Variants in RUFY1 observed in about 807,000 individuals in gnomAD.
RUFY1 encodes the protein RUN and FYVE domain containing 1, also known as RUN and FYVE domain-containing protein 1.
In RUFY1, 54 loss-of-function variants were observed where a neutral mutation model predicts 94.6. The observed-to-expected ratio is 0.57, with a 90% CI of 0.46 to 0.72. The LOEUF is 0.72. RUFY1 is among the 30% of genes least tolerant of loss of function. The pLI is 0.00. For synonymous variants in RUFY1, 396 were observed against 347.3 expected, an observed-to-expected ratio of 1.14 and a Z score of -1.56; for missense variants, 883 against 883.9, an observed-to-expected ratio of 1.00 and a Z score of 0.01.
At chr5:179,561,797 C>T (rs1402301553) in intron 2 of RUFY1, among the ~76,000 whole-genome samples, 1 of 148,218 alleles carries the variant, frequency 6.7e-6, no homozygotes, top group African/African-American at 2.5e-5. Flanking sequence ...ATTCTCCTGC[C>T]TCAGCCTCCC....
chr5:179,590,086 G>C (rs983766255), intron 9 of RUFY1, among the ~76,000 whole-genome samples: 3 of 152,138 alleles, frequency 2.0e-5, no homozygotes, highest in African/African-American at 7.2e-5. Context: ...GGGCACAGTG[G>C]CTCACACCTG....
intron 13 of RUFY1, chr5:179,598,214 AT>A (rs2127564298): frequency 6.4e-6 from 1 of 156,266 alleles, no homozygotes; most frequent in South Asian, 1.9e-4. Context: ...AGCAGAATGA[AT>A]TGGCCAGTGA....
intron 1 of RUFY1, among the ~76,000 whole-genome samples, chr5:179,553,654 G>T (rs1298491904): frequency 1.3e-5 from 2 of 152,074 alleles, no homozygotes; most frequent in Non-Finnish European, 2.9e-5. Flanking sequence ...GCCGGGCTTG[G>T]TGGTACGCAC....
In RUFY1 at chr5:179,594,974, C is replaced by T; in HGVS notation, c.1511+11C>T. ...ACAAATGGAAGAAAGGTAATCACTT[C>T]CCCCTGGCAGATATTCTCGGGAAGG... On this transcript the variant is annotated intron_variant, in intron 12 of 17. Transcript: ENST00000319449. The T allele has an allele frequency of 6.4e-7, 1 of 1,569,972 alleles. No homozygotes were observed. The highest frequency in any genetic ancestry group is 8.8e-7 in the Non-Finnish European group (1 of 1,140,914).
chr5:179,608,035 T>C (rs1425027812), intron 17 of RUFY1, among the ~76,000 whole-genome samples: 1 of 152,182 alleles, frequency 6.6e-6, no homozygotes, highest in Non-Finnish European at 1.5e-5. Flanking sequence ...ATGGGGAACC[T>C]ACAGGGCAGC....
chr5:179,577,701 G>T (rs1235975393), intron 6 of RUFY1, among the ~76,000 whole-genome samples: 1 of 151,246 alleles, frequency 6.6e-6, no homozygotes, highest in East Asian at 1.9e-4. Flanking sequence ...CTGTGTGATT[G>T]GGCCCGGTGG....
At chr5:179,592,317 A>G (rs1455519317) in intron 10 of RUFY1, among the ~76,000 whole-genome samples, 2 of 152,026 alleles carry the variant, frequency 1.3e-5, no homozygotes, top group Non-Finnish European at 2.9e-5. Context: ...ATGGGGTTTC[A>G]CCATGTTGGC....
chr5:179,587,540 C>T (rs1307758051), intron 8 of RUFY1, among the ~76,000 whole-genome samples: 26 of 144,868 alleles, frequency 1.8e-4, no homozygotes, highest in East Asian at 1.2e-3. Flanking sequence ...TACAGGCGCC[C>T]GCCACCACGC....
chr5:179,592,263 G>A (rs1765184327), intron 10 of RUFY1, among the ~76,000 whole-genome samples: 1 of 152,152 alleles, frequency 6.6e-6, no homozygotes, highest in African/African-American at 2.4e-5. Context: ...GGGACTACAG[G>A]CATACGCCAC....
intron 12 of RUFY1, among the ~76,000 whole-genome samples, chr5:179,595,425 T>C (rs559621675): frequency 1.3e-5 from 2 of 152,102 alleles, no homozygotes; most frequent in East Asian, 3.9e-4. Flanking sequence ...AGACAACATA[T>C]GGACAGCAAA....
chr5:179,589,260 A>G, intron 8 of RUFY1: 2 of 361,550 alleles, frequency 5.5e-6, no homozygotes, highest in South Asian at 5.8e-5. Flanking sequence ...TTTTGTGTCT[A>G]TAAATCTTTG....
chr5:179,588,616 G>A (rs775158796), intron 8 of RUFY1, among the ~76,000 whole-genome samples: 59 of 152,106 alleles, frequency 3.9e-4, no homozygotes, highest in South Asian at 1.5e-3. Context: ...TACTTTTACC[G>A]ATCATTAGCT....
intron 10 of RUFY1, among the ~76,000 whole-genome samples, chr5:179,592,532 G>A (rs569199619): frequency 9.2e-4 from 140 of 152,270 alleles, no homozygotes; most frequent in Non-Finnish European, 1.4e-3. Context: ...GATTACAGGC[G>A]TGAGCCACTG....
At chr5:179,608,376 A>G in intron 17 of RUFY1, 1 of 985,596 alleles carries the variant, frequency 1.0e-6, no homozygotes, top group Non-Finnish European at 1.2e-6. Context: ...TCAGAGCTAG[A>G]AACCACGTCC....
Position 179,601,939 on chromosome 5 carries a change from C to G in RUFY1, c.1809C>G (p.Cys603Trp). 1 of 1,613,724 alleles carries G rather than the reference C, an allele frequency of 6.2e-7. No homozygotes were observed. The highest frequency in any genetic ancestry group is 8.5e-7 in the Non-Finnish European group (1 of 1,179,894). Residue 603 changes from cysteine (C) to tryptophan (W), a missense_variant, in exon 15 of 18, where the codon TGC (cysteine) becomes TGG (tryptophan). Physicochemically the swap from Cys to Trp is radical, Grantham distance 215. Transcript: ENST00000319449. ...QDEKAELQKI[C>W]EEQEQALQEM... Reference sequence around the variant, plus strand: ...AGAAGGCAGAGCTGCAGAAGATCTGCGAGGAGCAGGAACAAGCCCTCCAGG... The same window carrying G: ...AGAAGGCAGAGCTGCAGAAGATCTGGGAGGAGCAGGAACAAGCCCTCCAGG...
At position 179,585,328 on chromosome 5, in the gene RUFY1, C is replaced by G. The variant is rs571658377; in HGVS notation, c.957-468C>G. The stretch of plus-strand genomic sequence containing the variant: ...CAGTGGTTCATGCCTGTAGTCCCAG[C>G]ACTTTGGAAGGCCAGGGTGGGCAGC... On this transcript the variant is annotated intron_variant, in intron 7 of 17. Coordinates refer to ENST00000319449, the MANE Select transcript of RUFY1 (RefSeq NM_025158.5). Among the ~76,000 whole-genome samples the G allele has an allele frequency of 3.7e-3, 564 of 152,292 alleles. 3 individuals are homozygous for G. The highest frequency in any genetic ancestry group is 0.013 in the African/African-American group (540 of 41,564).
At chr5:179,571,250 C>T (rs941114311) in intron 5 of RUFY1, among the ~76,000 whole-genome samples, 2 of 152,164 alleles carry the variant, frequency 1.3e-5, no homozygotes, top group Admixed American at 6.5e-5. Context: ...AATTCCAACA[C>T]TTTGGGAGGC....
chr5:179,606,518 C>T (rs141462049), intron 16 of RUFY1: 8 of 158,156 alleles, frequency 5.1e-5, no homozygotes, highest in Non-Finnish European at 1.1e-4. Context: ...TCAAGACAGC[C>T]TTGCCTGCAG....
chr5:179,578,470 C>T (rs938092894), intron 6 of RUFY1, among the ~76,000 whole-genome samples: 1 of 152,000 alleles, frequency 6.6e-6, no homozygotes, highest in Non-Finnish European at 1.5e-5. Flanking sequence ...CCACCTGCGT[C>T]GGCCTCCCAA....
Sources: gnomAD v4.1 joint callset for allele counts (sites outside exome capture counted in the v4.1 genomes callset) on GRCh38, gnomAD v4.1.1 for gene constraint, MANE v1.5 for transcripts, NCBI Gene and HGNC (gene_info 2026-07-23, HGNC 2026-07-21) for gene names.